Variants in DTWD2 observed in about 807,000 individuals in gnomAD.
DTWD2 encodes DTW motif tRNA-uridine aminocarboxypropyltransferase 2.
In DTWD2, 39 loss-of-function variants were observed where a neutral mutation model predicts 31.8. The ratio of observed to expected loss-of-function variants is 1.22; its 90% CI spans 0.95 to 1.60. The LOEUF is 1.60. Ranked by LOEUF, DTWD2 falls within the 40% of genes most tolerant of loss-of-function variation. DTWD2 has a pLI of 0.00. For synonymous variants in DTWD2, 180 were observed against 142.8 expected (o/e 1.26, Z -1.86); for missense variants, 515 against 381.5 (o/e 1.35, Z -2.92).
At chr5:118,880,781 A>G (rs1234552284) in intron 4 of DTWD2, among the ~76,000 whole-genome samples, 1 of 152,208 alleles carries the variant, frequency 6.6e-6, no homozygotes, top group Non-Finnish European at 1.5e-5. Context: ...AATAACCATC[A>G]AAAGTCACGG....
chr5:118,855,246 T>G (rs115088403), intron 4 of DTWD2, among the ~76,000 whole-genome samples: 5,096 of 141,302 alleles, frequency 0.036, 322 homozygotes, highest in African/African-American at 0.13. Flanking sequence ...GCGGTAAAAC[T>G]TTTTACCGCA....
At chr5:118,848,579 C>G (rs1294232990) in intron 4 of DTWD2, among the ~76,000 whole-genome samples, 1 of 152,086 alleles carries the variant, frequency 6.6e-6, no homozygotes, top group Non-Finnish European at 1.5e-5. Context: ...ACATTTCACA[C>G]TCAACAGAGT....
chr5:118,858,010 G>A (rs951293089), intron 4 of DTWD2, among the ~76,000 whole-genome samples: 3 of 152,132 alleles, frequency 2.0e-5, no homozygotes, highest in Non-Finnish European at 2.9e-5. Flanking sequence ...GCCTGTGCTC[G>A]TTATAACAGT....
chr5:118,850,477 C>CAAAAAA lies in DTWD2; in HGVS notation c.598-2265_598-2260dup, dbSNP rs34808087. Reference sequence around the variant, plus strand: ...TGGGTGACAGAGCCAGACCCCACCACAAAAAAAAAAAAAAAAAAAAAAAAA... The same window carrying CAAAAAA: ...TGGGTGACAGAGCCAGACCCCACCACAAAAAAAAAAAAAAAAAAAAAAAAAAAAAAA... On this transcript the variant is annotated intron_variant, in intron 4 of 5. Coordinates refer to ENST00000510708, the MANE Select transcript of DTWD2 (RefSeq NM_173666.4). Among the ~76,000 whole-genome samples, 61 of 30,478 alleles carry CAAAAAA rather than the reference C, an allele frequency of 2.0e-3. 1 individual carries two copies. The highest frequency in any genetic ancestry group is 3.1e-3 in the Admixed American group (5 of 1,624). The allele number at this position is 30,478 out of a possible 152,430, so 20.0% of individuals were successfully genotyped here.
At chr5:118,901,486 G>T (rs887800852) in intron 4 of DTWD2, among the ~76,000 whole-genome samples, 5 of 152,100 alleles carry the variant, frequency 3.3e-5, no homozygotes, top group Non-Finnish European at 7.4e-5. Flanking sequence ...CCTCTCTGAT[G>T]ATTCTTTTTC....
At chr5:118,913,450 CGT>C (rs397934688) in intron 4 of DTWD2, among the ~76,000 whole-genome samples, 7 of 146,336 alleles carry the variant, frequency 4.8e-5, no homozygotes, top group South Asian at 2.1e-4. Context: ...CACACACACA[CGT>C]GTGTGTGTGT....
At chr5:118,913,826 G>A (rs1451823237) in intron 4 of DTWD2, among the ~76,000 whole-genome samples, 2 of 152,020 alleles carry the variant, frequency 1.3e-5, no homozygotes, top group Non-Finnish European at 2.9e-5. Flanking sequence ...TGTATCATAT[G>A]AAAATAATAA....
intron 4 of DTWD2, among the ~76,000 whole-genome samples, chr5:118,879,144 C>T (rs1407086183): frequency 6.6e-6 from 1 of 152,102 alleles, no homozygotes; most frequent in African/African-American, 2.4e-5. Flanking sequence ...TGGCTATATA[C>T]CCAATGGAAT....
At chr5:118,970,941 G>C (rs573096117) in intron 1 of DTWD2, among the ~76,000 whole-genome samples, 20 of 152,278 alleles carry the variant, frequency 1.3e-4, no homozygotes, top group African/African-American at 4.6e-4. Context: ...AATGCTGAGG[G>C]ACTTCGTCAC....
At chr5:118,951,129 A>G (rs1257061503) in intron 1 of DTWD2, among the ~76,000 whole-genome samples, 1 of 152,204 alleles carries the variant, frequency 6.6e-6, no homozygotes, top group Non-Finnish European at 1.5e-5. Flanking sequence ...CCATGCCTTT[A>G]GCTCCAGACA....
intron 4 of DTWD2, among the ~76,000 whole-genome samples, chr5:118,870,591 T>C (rs1429716047): frequency 1.3e-5 from 2 of 152,226 alleles, no homozygotes; most frequent in Non-Finnish European, 2.9e-5. Context: ...TAAAATACTT[T>C]ATGGCTAAAA....
intron 4 of DTWD2, among the ~76,000 whole-genome samples, chr5:118,881,497 C>A (rs1752739203): frequency 1.3e-5 from 2 of 152,112 alleles, no homozygotes; most frequent in Non-Finnish European, 2.9e-5. Context: ...CTCAATATTT[C>A]TTTTAATAAA....
intron 1 of DTWD2, among the ~76,000 whole-genome samples, chr5:118,987,317 T>C (rs928849680): frequency 6.6e-6 from 1 of 152,196 alleles, no homozygotes; most frequent in East Asian, 1.9e-4. Context: ...TTAGAAAATA[T>C]AAAAACATTC....
At chr5:118,892,007 A>C (rs1446218832) in intron 4 of DTWD2, among the ~76,000 whole-genome samples, 2 of 152,172 alleles carry the variant, frequency 1.3e-5, no homozygotes, top group African/African-American at 4.8e-5. Flanking sequence ...AGGAGTAAAA[A>C]AGGTGAAATT....
chr5:118,935,002 C>T (rs996977746), intron 3 of DTWD2, among the ~76,000 whole-genome samples: 23 of 152,112 alleles, frequency 1.5e-4, no homozygotes, highest in Non-Finnish European at 2.9e-5. Flanking sequence ...TGACTGACAG[C>T]TCCAGGGTGG....
intron 4 of DTWD2, among the ~76,000 whole-genome samples, chr5:118,852,739 G>T (rs549965461): frequency 1.2e-4 from 18 of 151,916 alleles, no homozygotes; most frequent in African/African-American, 3.4e-4. Context: ...TATATCTAAA[G>T]GAATATAAAT....
At chr5:118,927,220 C>T (rs1413199552) in intron 4 of DTWD2, among the ~76,000 whole-genome samples, 1 of 147,112 alleles carries the variant, frequency 6.8e-6, no homozygotes, top group African/African-American at 2.5e-5. Flanking sequence ...CTCCAAATAC[C>T]ATTATATTGG....
At chr5:118,931,557 G>A (rs1288480526) in intron 3 of DTWD2, among the ~76,000 whole-genome samples, 1 of 152,116 alleles carries the variant, frequency 6.6e-6, no homozygotes, top group Non-Finnish European at 1.5e-5. Context: ...TAACATGTAT[G>A]TACTTAAAAA....
At chr5:118,856,278 C>T (rs186341669) in intron 4 of DTWD2, among the ~76,000 whole-genome samples, 1 of 152,112 alleles carries the variant, frequency 6.6e-6, no homozygotes, top group Non-Finnish European at 1.5e-5. Context: ...TCTTCTATAA[C>T]TTGTCTTTTT....
Sources: gnomAD v4.1 joint callset for allele counts (sites outside exome capture counted in the v4.1 genomes callset) on GRCh38, gnomAD v4.1.1 for gene constraint, MANE v1.5 for transcripts, NCBI Gene and HGNC (gene_info 2026-07-23, HGNC 2026-07-21) for gene names.